PREP: variants seen among roughly 807,000 people sequenced by gnomAD.
PREP encodes dJ355L5.1 (prolyl endopeptidase).
Under a neutral mutation model 87.6 loss-of-function variants are expected in PREP, and 29 were observed. The ratio of observed to expected loss-of-function variants is 0.33; its 90% CI spans 0.25 to 0.45. The LOEUF is 0.45. PREP is among the 20% of genes least tolerant of loss of function. The probability of loss-of-function intolerance (pLI) is 1.00; values close to 1 mark genes in which losing one functional copy is unlikely to be tolerated. For synonymous variants in PREP, 337 were observed against 328.6 expected (o/e 1.03, Z -0.28); for missense variants, 695 against 886.5 (o/e 0.78, Z 2.74).
chr6:105,319,412 A>G (rs1404655491), intron 10 of PREP, among the ~76,000 whole-genome samples: 2 of 152,200 alleles, frequency 1.3e-5, no homozygotes, highest in Non-Finnish European at 2.9e-5. Flanking sequence ...TTTCAGGTCT[A>G]TAAATTTTGT....
intron 9 of PREP, among the ~76,000 whole-genome samples, chr6:105,326,341 C>A (rs1396842539): frequency 6.6e-6 from 1 of 152,152 alleles, no homozygotes; most frequent in Non-Finnish European, 1.5e-5. Flanking sequence ...GTGGTTTGAA[C>A]CACAGAGAAT....
intron 7 of PREP, among the ~76,000 whole-genome samples, chr6:105,352,043 C>T (rs948513044): frequency 9.9e-5 from 15 of 152,080 alleles, no homozygotes; most frequent in Admixed American, 5.9e-4. Context: ...CAAATATTTT[C>T]GTATCACAAT....
rs1483066038 is a variant in PREP, at chr6:105,274,175, C to T, written c.*3969G>A. Among the ~76,000 whole-genome samples, 1 of 152,136 alleles carries T rather than the reference C, an allele frequency of 6.6e-6. No homozygotes were observed. The highest frequency in any genetic ancestry group is 1.5e-5 in the Non-Finnish European group (1 of 68,040). On this transcript the variant is annotated 3_prime_UTR_variant, in exon 15 of 15. Coordinates refer to ENST00000652536, the MANE Select transcript of PREP (RefSeq NM_002726.5). ...GTCAACAACAGAAATTGCTCTCTCA[C>T]AGTCCTAGAGTCTGGGACATCTAAG... is the stretch of plus-strand genomic sequence containing the variant.
chr6:105,356,209 G>A (rs371831060), intron 6 of PREP, among the ~76,000 whole-genome samples: 11 of 152,058 alleles, frequency 7.2e-5, no homozygotes, highest in African/African-American at 1.2e-4. Context: ...ATTCATTGGC[G>A]GATCAGCTTG....
rs765121838 is a variant in PREP at position 105,285,497 on chromosome 6, G to A, written c.1538C>T (p.Thr513Met). 12 of 1,612,880 alleles carry A rather than the reference G, an allele frequency of 7.4e-6. 1 individual carries two copies. The highest frequency in any genetic ancestry group is 4.5e-5 in the East Asian group (2 of 44,886). The change falls in exon 12 of 15, where the codon ACG becomes ATG. Residue 513 changes from threonine (T) to methionine (M), a missense_variant. Transcript: ENST00000652536. ...AGAAAACACCTCACCTTTATGCCACGTCTCTCCATATTCGCCACCTCCTCT... is the reference window on the plus strand; with the variant it reads ...AGAAAACACCTCACCTTTATGCCACATCTCTCCATATTCGCCACCTCCTCT... ...NIRGGGEYGE[T>M]WHKGGILANK... is the part of the protein sequence containing the mutation.
intron 6 of PREP, among the ~76,000 whole-genome samples, chr6:105,359,589 T>C (rs1772191728): frequency 6.6e-6 from 1 of 152,190 alleles, no homozygotes; most frequent in African/African-American, 2.4e-5. Flanking sequence ...GTGGGTGCTG[T>C]GCTGGGCTGC....
chr6:105,394,675 T>C (rs1482989639), intron 2 of PREP, among the ~76,000 whole-genome samples: 1 of 152,182 alleles, frequency 6.6e-6, no homozygotes, highest in African/African-American at 2.4e-5. Context: ...CATGGTGGTG[T>C]GCGCCTGTAG....
chr6:105,305,881 C>A (rs996282418), intron 10 of PREP, among the ~76,000 whole-genome samples: 1 of 151,372 alleles, frequency 6.6e-6, no homozygotes, highest in African/African-American at 2.4e-5. Context: ...GACTCTGTCA[C>A]CCAGGCTGGA....
chr6:105,280,752 A>G (rs74835728), intron 14 of PREP: 3,116 of 152,196 alleles, frequency 0.02, 112 homozygotes, highest in African/African-American at 0.072. Flanking sequence ...TTGTAGAGAC[A>G]GTACAGTATT....
chr6:105,278,232 G>A lies in PREP; in HGVS notation c.2045C>T (p.Ala682Val), dbSNP rs201327468. 14 of 1,614,216 alleles carry A rather than the reference G, an allele frequency of 8.7e-6. No individual in the cohort carries two copies. Among genetic ancestry groups the A allele is most frequent in the Middle Eastern group, 1.7e-4 (1 of 6,054 alleles). ...IHVDTKAGHGAGKPTAKVIEE... is the reference protein window; with the variant it reads ...IHVDTKAGHGVGKPTAKVIEE... Reference sequence around the variant, plus strand: ...TATCACTTTGGCTGTGGGCTTCCCCGCCCCGTGGCCCGCCTTGGTGTCCAC... The same window carrying A: ...TATCACTTTGGCTGTGGGCTTCCCCACCCCGTGGCCCGCCTTGGTGTCCAC... Residue 682 changes from alanine (A) to valine (V), a missense_variant, in exon 15 of 15, where the codon GCG becomes GTG. Physicochemically the swap from Ala to Val is moderately conservative, Grantham distance 64 (BLOSUM62 0). Around this residue, in one of 5 missense-constraint regions of PREP, gnomAD observed 121 missense variants for 154.8 expected, o/e 0.78. Coordinates refer to ENST00000652536, the MANE Select transcript of PREP (RefSeq NM_002726.5). This position sits in a 1 kb window ranked among gnomAD's most constrained non-coding sequence, Gnocchi z 4.2.
intron 10 of PREP, among the ~76,000 whole-genome samples, chr6:105,306,010 T>C (rs970164074): frequency 2.6e-5 from 4 of 152,066 alleles, no homozygotes; most frequent in Middle Eastern, 3.4e-3. Flanking sequence ...CCTGGCTAAT[T>C]TTAAAATTTT....
Position 105,273,683 on chromosome 6 carries a change from T to G in PREP, c.*4461A>C, listed in dbSNP as rs1431066666. The G allele has an allele frequency of 6.6e-6, 1 of 152,350 alleles. No individual in the cohort carries two copies. Among genetic ancestry groups the G allele is most frequent in the African/African-American group, 2.4e-5 (1 of 41,456 alleles). 9.4% of individuals were successfully genotyped at this position (152,350 alleles called of 1,614,324 possible). A position where few individuals can be genotyped will look rare whatever the true frequency, so the allele number is the denominator to read the frequency against. Reference sequence around the variant, plus strand: ...AACCACCCCGCTTTTCCCTAGGCTCTCCTGCTGTCAGTTTCCCACAGTGTT... The same window carrying G: ...AACCACCCCGCTTTTCCCTAGGCTCGCCTGCTGTCAGTTTCCCACAGTGTT... On this transcript the variant is annotated 3_prime_UTR_variant, in exon 15 of 15. Transcript: ENST00000652536.
Position 105,344,450 on chromosome 6 carries a change from C to T in PREP, c.823+8522G>A, listed in dbSNP as rs150432131. Among the ~76,000 whole-genome samples, 1,667 of 151,052 alleles carry T rather than the reference C, an allele frequency of 0.011. 102 individuals carry two copies. In the East Asian group the frequency reaches 0.17, roughly 15 times the overall value. On this transcript the variant is annotated intron_variant, in intron 7 of 14. Transcript: ENST00000652536. ...GAGCTTGCAGTAAGCCGAGATCGTG[C>T]CACTGCACTCCAGCCTGGGAGATAG...
At chr6:105,332,520 A>C (rs66935099) in intron 8 of PREP, among the ~76,000 whole-genome samples, 8,599 of 152,138 alleles carry the variant, frequency 0.057, 283 homozygotes, top group Middle Eastern at 0.095. Flanking sequence ...ATTATATACC[A>C]TATATTTTGC....
intron 10 of PREP, among the ~76,000 whole-genome samples, chr6:105,315,834 A>T (rs1319818627): frequency 6.6e-6 from 1 of 152,216 alleles, no homozygotes; most frequent in African/African-American, 2.4e-5. Context: ...AAACTTCATG[A>T]ACCAACCTCT....
intron 10 of PREP, among the ~76,000 whole-genome samples, chr6:105,297,791 C>A (rs1770440008): frequency 6.6e-6 from 1 of 152,206 alleles, no homozygotes; most frequent in Non-Finnish European, 1.5e-5. Flanking sequence ...ATGAGTTGTA[C>A]AATAGATCCA....
chr6:105,342,016 C>A (rs1438010855), intron 7 of PREP, among the ~76,000 whole-genome samples: 2 of 152,178 alleles, frequency 1.3e-5, no homozygotes, highest in Non-Finnish European at 2.9e-5. Context: ...AAGAGGGAAT[C>A]CTCCCTAACT....
At chr6:105,325,737 T>C (rs1457710483) in intron 9 of PREP, among the ~76,000 whole-genome samples, 1 of 152,228 alleles carries the variant, frequency 6.6e-6, no homozygotes, top group African/African-American at 2.4e-5. Context: ...TCCCATCTGA[T>C]TTGGCTCAGA....
At chr6:105,388,447 CAAA>C (rs1260921364) in intron 2 of PREP, among the ~76,000 whole-genome samples, 2 of 115,774 alleles carry the variant, frequency 1.7e-5, no homozygotes, top group Non-Finnish European at 3.3e-5. Context: ...CCGCTTGCAT[CAAA>C]AACCGTATTA....
Sources: allele counts gnomAD v4.1 joint callset (sites outside exome capture counted in the v4.1 genomes callset), GRCh38; gene constraint gnomAD v4.1.1; regional missense constraint gnomAD v4.1.1; non-coding constraint Gnocchi (gnomAD v3.1); transcripts MANE v1.5; gene names NCBI Gene and HGNC (gene_info 2026-07-23, HGNC 2026-07-21).